TIMMDC1: variants seen among roughly 807,000 people sequenced by gnomAD.
TIMMDC1 encodes the protein complex I assembly factor TIMMDC1, mitochondrial.
TIMMDC1 carries 25 observed loss-of-function variants against 32.6 expected under a neutral mutation model. That is an observed-to-expected ratio of 0.77 (90% CI 0.56 to 1.07). The LOEUF (loss-of-function observed/expected upper bound fraction) is 1.07, where lower values mean the gene tolerates loss of function less well. Ranked by LOEUF, TIMMDC1 falls within the 50% of genes least tolerant of loss-of-function variation. TIMMDC1 has a pLI of 0.00. For synonymous variants in TIMMDC1, 130 were observed against 127.6 expected (o/e 1.02, Z -0.13); for missense variants, 329 against 349.2 (o/e 0.94, Z 0.46).
intron 4 of TIMMDC1, among the ~76,000 whole-genome samples, chr3:119,507,278 T>C (rs1380965491): frequency 6.6e-6 from 1 of 152,224 alleles, no homozygotes; most frequent in African/African-American, 2.4e-5. Flanking sequence ...TGTAATTGTT[T>C]CACAGTTCTT....
intron 4 of TIMMDC1, among the ~76,000 whole-genome samples, chr3:119,509,994 T>C (rs557596611): frequency 2.6e-5 from 4 of 152,290 alleles, no homozygotes; most frequent in African/African-American, 9.6e-5. Flanking sequence ...ACTAGATTTT[T>C]TTACTAAAAA....
intron 3 of TIMMDC1, 149 bp from the exon 4 acceptor site, chr3:119,503,805 T>C: frequency 1.3e-6 from 1 of 786,448 alleles, no homozygotes; most frequent in Non-Finnish European, 2.0e-6. Flanking sequence ...TACAACCATG[T>C]CTGGAACACA....
At chr3:119,507,576 T>C (rs1409505229) in intron 4 of TIMMDC1, among the ~76,000 whole-genome samples, 1 of 152,240 alleles carries the variant, frequency 6.6e-6, no homozygotes, top group Non-Finnish European at 1.5e-5. Flanking sequence ...TTAGAGCCCT[T>C]AGTGTATTAG....
At chr3:119,520,111 T>C (rs1280331790) in intron 6 of TIMMDC1, among the ~76,000 whole-genome samples, 1 of 151,974 alleles carries the variant, frequency 6.6e-6, no homozygotes, top group Non-Finnish European at 1.5e-5. Flanking sequence ...AGCAAAAGCA[T>C]CACTAACAGG....
At chr3:119,504,481 A>T (rs2081903145) in intron 4 of TIMMDC1, among the ~76,000 whole-genome samples, 1 of 152,216 alleles carries the variant, frequency 6.6e-6, no homozygotes, top group Admixed American at 6.5e-5. Context: ...GTGGTGAGTG[A>T]GGGAAAGAGT....
At chr3:119,510,514 G>A (rs572331207) in intron 4 of TIMMDC1, among the ~76,000 whole-genome samples, 2 of 152,172 alleles carry the variant, frequency 1.3e-5, no homozygotes, top group East Asian at 3.9e-4. Context: ...AAATAATGAG[G>A]GGTTCTTGCA....
At chr3:119,502,889 G>A (rs2107727042) in intron 2 of TIMMDC1, among the ~76,000 whole-genome samples, 1 of 152,256 alleles carries the variant, frequency 6.6e-6, no homozygotes, top group African/African-American at 2.4e-5. Flanking sequence ...GATTCTTCCT[G>A]TAACAATTAT....
chr3:119,522,209 G>C (rs1180447384), intron 6 of TIMMDC1, among the ~76,000 whole-genome samples: 3 of 152,148 alleles, frequency 2.0e-5, no homozygotes, highest in Non-Finnish European at 2.9e-5. Context: ...ATCCACCATA[G>C]AATACTATTC....
At chr3:119,504,157 T>C (rs2081900431) in intron 4 of TIMMDC1, 136 bp downstream of exon 4, 1 of 658,312 alleles carries the variant, frequency 1.5e-6, no homozygotes, top group Admixed American at 2.6e-5. Flanking sequence ...CAAAATGTAT[T>C]TATGGACAGT....
chr3:119,508,472 C>G (rs2081932348), intron 4 of TIMMDC1, among the ~76,000 whole-genome samples: 1 of 152,188 alleles, frequency 6.6e-6, no homozygotes, highest in African/African-American at 2.4e-5. Context: ...TAGCTTTTTA[C>G]TTGTTGTTAG....
intron 4 of TIMMDC1, among the ~76,000 whole-genome samples, chr3:119,507,158 G>A (rs1190104603): frequency 6.6e-6 from 1 of 152,118 alleles, no homozygotes. Context: ...GAACTTTCTG[G>A]ATCTGTGGTT....
chr3:119,518,149 C>G (rs2081998326), intron 6 of TIMMDC1, among the ~76,000 whole-genome samples: 2 of 151,994 alleles, frequency 1.3e-5, no homozygotes, highest in African/African-American at 4.8e-5. Context: ...CTAATCATCT[C>G]CTGGGATGCA....
chr3:119,502,859 C>A (rs2081889473), intron 2 of TIMMDC1, among the ~76,000 whole-genome samples: 2 of 152,150 alleles, frequency 1.3e-5, no homozygotes, highest in African/African-American at 4.8e-5. Flanking sequence ...CATACCCAGG[C>A]AGTTTTAGCA....
intron 1 of TIMMDC1, 65 bp from the exon 2 acceptor site, chr3:119,500,630 A>T: frequency 7.0e-7 from 1 of 1,436,856 alleles, no homozygotes; most frequent in Non-Finnish European, 9.5e-7. Context: ...TTCTGATTAT[A>T]GAGTCTCTTG....
At chr3:119,508,982 G>A (rs1405708562) in intron 4 of TIMMDC1, among the ~76,000 whole-genome samples, 6 of 152,138 alleles carry the variant, frequency 3.9e-5, no homozygotes, top group Non-Finnish European at 8.8e-5. Flanking sequence ...GAGGCAGGCA[G>A]ATCTCTTGAG....
intron 4 of TIMMDC1, among the ~76,000 whole-genome samples, chr3:119,509,610 C>G (rs116225345): frequency 0.013 from 1,921 of 151,424 alleles, 46 homozygotes; most frequent in African/African-American, 0.044. Context: ...CACAAATGGG[C>G]GTGGGGGATC....
At chr3:119,514,465 G>T (rs1033872331) in intron 5 of TIMMDC1, among the ~76,000 whole-genome samples, 4 of 152,048 alleles carry the variant, frequency 2.6e-5, no homozygotes, top group Non-Finnish European at 4.4e-5. Context: ...AGTAAACATT[G>T]TTTCAACACA....
intron 1 of TIMMDC1, 196 bp from the exon 2 acceptor site, chr3:119,500,499 T>C: frequency 2.0e-6 from 1 of 511,884 alleles, no homozygotes; most frequent in Non-Finnish European, 3.4e-6. Context: ...ACTATCCTAA[T>C]TCTAACACCA....
intron 4 of TIMMDC1, among the ~76,000 whole-genome samples, chr3:119,513,130 T>TG (rs967388438): frequency 6.6e-6 from 1 of 152,208 alleles, no homozygotes; most frequent in African/African-American, 2.4e-5. Flanking sequence ...GCATGATTGA[T>TG]GCACAGTCCC....
Sources: allele counts gnomAD v4.1 joint callset (sites outside exome capture counted in the v4.1 genomes callset), GRCh38; gene constraint gnomAD v4.1.1; transcripts MANE v1.5; gene names NCBI Gene and HGNC (gene_info 2026-07-23, HGNC 2026-07-21).